ZMYM2: variants seen among roughly 807,000 people sequenced by gnomAD.
The protein encoded by ZMYM2 is zinc finger MYM-type containing 2, also known as zinc finger MYM-type protein 2.
Under a neutral mutation model 162.8 loss-of-function variants are expected in ZMYM2, and 56 were observed. The ratio of observed to expected loss-of-function variants is 0.34; its 90% CI spans 0.28 to 0.43. The LOEUF (loss-of-function observed/expected upper bound fraction) is 0.43, where lower values mean the gene tolerates loss of function less well. ZMYM2 is among the 20% of genes least tolerant of loss of function. The pLI is 1.00. For synonymous variants in ZMYM2, 510 were observed against 541.6 expected, an observed-to-expected ratio of 0.94 and a Z score of 0.81; for missense variants, 1,275 against 1,621.8, an observed-to-expected ratio of 0.79 and a Z score of 3.67.
intron 6 of ZMYM2, among the ~76,000 whole-genome samples, chr13:20,015,817 A>G (rs76709166): frequency 5.5e-4 from 83 of 151,954 alleles, no homozygotes; most frequent in African/African-American, 1.9e-3. Flanking sequence ...GTTACTGTTT[A>G]TTTGTGTGGA....
rs553233233 is a variant in ZMYM2, at chr13:20,078,766, TTTATA to T, written c.3454-3243_3454-3239del. Among the ~76,000 whole-genome samples, 497 of 152,290 alleles carry T rather than the reference TTTATA, an allele frequency of 3.3e-3. 4 individuals carry two copies. Among genetic ancestry groups the T allele is most frequent in the Non-Finnish European group, 4.8e-3 (329 of 68,024 alleles). On this transcript the variant is annotated intron_variant, in intron 21 of 24. Transcript: ENST00000610343. ...TGGTATTTTTAAAATGTTAAATATT[TTTATA>T]TTATATGTTGGGATTACATGTTTTG...
chr13:20,072,172 T>C (rs1200572535), intron 21 of ZMYM2: 1 of 153,510 alleles, frequency 6.5e-6, no homozygotes, highest in Non-Finnish European at 1.5e-5. Context: ...GAAATAAACT[T>C]GAAAGTTCTC....
At chr13:19,928,334 T>G in the ZMYM2 span, among the ~76,000 whole-genome samples, 1 of 152,276 alleles carries the variant, frequency 6.6e-6, no homozygotes, top group Admixed American at 6.5e-5. Flanking sequence ...TAGGAATATT[T>G]AAAATGCATT....
chr13:20,067,043 C>T (rs1956732672), intron 20 of ZMYM2, 24 bp downstream of exon 20: 10 of 1,553,372 alleles, frequency 6.4e-6, no homozygotes, highest in Non-Finnish European at 8.7e-6. Context: ...TTTTGTTTCT[C>T]CTAAGTCCTA....
At chr13:20,075,669 C>CTT (rs1566463477) in intron 21 of ZMYM2, among the ~76,000 whole-genome samples, 1 of 109,326 alleles carries the variant, frequency 9.1e-6, no homozygotes, top group African/African-American at 4.0e-5. Flanking sequence ...ACTATAGACA[C>CTT]CTTTTTTTTT....
At chr13:20,027,650 A>G (rs190274065) in intron 9 of ZMYM2, among the ~76,000 whole-genome samples, 13 of 152,264 alleles carry the variant, frequency 8.5e-5, no homozygotes, top group African/African-American at 2.9e-4. Flanking sequence ...ACAAACGGAT[A>G]GAGGACCTAG....
At chr13:19,958,083 T>TG (rs1439510053), upstream of ZMYM2, among the ~76,000 whole-genome samples, 2 of 151,702 alleles carry the variant, frequency 1.3e-5, no homozygotes, top group Non-Finnish European at 2.9e-5. Flanking sequence ...TGGCGGGAGG[T>TG]GGGGGACTAT....
rs1957866997 is a variant in ZMYM2, at chr13:20,080,898, C to G, written c.3454-1118C>G. On this transcript the variant is annotated intron_variant, in intron 21 of 24. Coordinates refer to ENST00000610343, the MANE Select transcript of ZMYM2 (RefSeq NM_197968.4). ...CATGCTTGTATGTCATGCAGACATTCAACTATGCTGTAACATGAAAGCTGC... is the reference window on the plus strand; with the variant it reads ...CATGCTTGTATGTCATGCAGACATTGAACTATGCTGTAACATGAAAGCTGC... 1.3e-5 allele frequency among the ~76,000 whole-genome samples: 2 copies of G among 152,220 alleles called. 1 individual carries two copies. The highest frequency in any genetic ancestry group is 4.1e-4 in the South Asian group (2 of 4,834).
intron 21 of ZMYM2, among the ~76,000 whole-genome samples, chr13:20,080,091 CTCAT>C (rs1957810648): frequency 6.6e-6 from 1 of 152,286 alleles, no homozygotes; most frequent in African/African-American, 2.4e-5. Context: ...CACTGCTGTT[CTCAT>C]TCATAACAAT....
At chr13:19,983,659 C>T (rs1314504440) in intron 2 of ZMYM2, among the ~76,000 whole-genome samples, 3 of 151,922 alleles carry the variant, frequency 2.0e-5, no homozygotes, top group Non-Finnish European at 4.4e-5. Flanking sequence ...GATAGAGTCT[C>T]GCTCTCTTGC....
chr13:20,046,662 T>C (rs1049077991), intron 12 of ZMYM2, among the ~76,000 whole-genome samples: 1 of 149,568 alleles, frequency 6.7e-6, no homozygotes, highest in Non-Finnish European at 1.5e-5. Flanking sequence ...TATATGTGTG[T>C]ATATATATGT....
chr13:19,884,862 G>A, the ZMYM2 span, among the ~76,000 whole-genome samples: 4 of 151,858 alleles, frequency 2.6e-5, no homozygotes, highest in African/African-American at 9.7e-5. Flanking sequence ...TCACAATTGC[G>A]GGTGCGGGTG....
intron 24 of ZMYM2, among the ~76,000 whole-genome samples, chr13:20,084,566 A>C (rs1958126800): frequency 6.6e-6 from 1 of 152,176 alleles, no homozygotes; most frequent in South Asian, 2.1e-4. Context: ...GGTATGCTCA[A>C]AGGTAGTATA....
intron 4 of ZMYM2, among the ~76,000 whole-genome samples, chr13:20,003,797 C>T (rs1209591983): frequency 2.6e-5 from 4 of 151,992 alleles, no homozygotes; most frequent in East Asian, 1.9e-4. Flanking sequence ...TACAGGCTTT[C>T]GCCACCATGC....
intron 2 of ZMYM2, among the ~76,000 whole-genome samples, chr13:19,976,471 A>G (rs141895997): frequency 8.1e-4 from 123 of 152,260 alleles, no homozygotes; most frequent in Admixed American, 2.6e-3. Flanking sequence ...GTTCAGCTCA[A>G]TATTAGTCGG....
the ZMYM2 span, among the ~76,000 whole-genome samples, chr13:19,942,980 G>A: frequency 2.6e-5 from 4 of 151,972 alleles, no homozygotes; most frequent in Non-Finnish European, 5.9e-5. Flanking sequence ...ACTGCAAACC[G>A]GGTGGCTTAA....
the ZMYM2 span, among the ~76,000 whole-genome samples, chr13:19,884,294 C>T: frequency 6.6e-6 from 1 of 152,046 alleles, no homozygotes; most frequent in African/African-American, 2.4e-5. Context: ...ACGCCAGTGG[C>T]GGGGTGCTGT....
At chr13:20,009,676 G>A (rs1055338128) in intron 6 of ZMYM2, among the ~76,000 whole-genome samples, 5 of 151,966 alleles carry the variant, frequency 3.3e-5, no homozygotes, top group Admixed American at 2.0e-4. Context: ...TTTGCATCTG[G>A]GTTATTTTAC....
Position 20,005,187 on chromosome 13 carries a change from C to G in ZMYM2, c.1247C>G (p.Thr416Ser). The G allele has an allele frequency of 6.3e-7, 1 of 1,588,962 alleles. No individual in the cohort carries two copies. The highest frequency in any genetic ancestry group is 8.5e-7 in the Non-Finnish European group (1 of 1,172,358). ...CTCTATGAAGACAAACAGAATCCTACTAAAGGAGCTCTAAATAAATCAAGA... is the reference window on the plus strand; with the variant it reads ...CTCTATGAAGACAAACAGAATCCTAGTAAAGGAGCTCTAAATAAATCAAGA... ...LSLYEDKQNP[T>S]KGALNKSRCT... Residue 416 changes from threonine (T) to serine (S), a missense_variant, in exon 5 of 25, where the codon ACT (threonine) becomes AGT (serine). Physicochemically the swap from Thr to Ser is moderately conservative, Grantham distance 58. Coordinates refer to ENST00000610343, the MANE Select transcript of ZMYM2 (RefSeq NM_197968.4).
Sources: allele counts gnomAD v4.1 joint callset (sites outside exome capture counted in the v4.1 genomes callset), GRCh38; gene constraint gnomAD v4.1.1; transcripts MANE v1.5; gene names NCBI Gene and HGNC (gene_info 2026-07-23, HGNC 2026-07-21).